CERS6: variants seen among roughly 807,000 people sequenced by gnomAD.
The protein encoded by CERS6 is ceramide synthase 6.
A neutral mutation model predicts 56.8 loss-of-function variants in CERS6; 26 were observed. The ratio of observed to expected loss-of-function variants is 0.46; its 90% CI spans 0.34 to 0.63. CERS6 has a LOEUF of 0.63. Among genes scored for constraint, CERS6 ranks in the 30% least tolerant of loss-of-function variants. CERS6 has a pLI of 0.01. For missense variants in CERS6, 415 were observed against 467.5 expected (o/e 0.89, Z 1.04); for synonymous variants, 164 against 173.3 (o/e 0.95, Z 0.42).
chr2:168,739,750 C>CT (rs534593412), intron 8 of CERS6, among the ~76,000 whole-genome samples: 2,351 of 146,170 alleles, frequency 0.016, 25 homozygotes, highest in Non-Finnish European at 0.024. Context: ...AAGAAAGGAA[C>CT]TTTTTTTTTT....
At chr2:168,761,743 C>G (rs1318808263) in intron 8 of CERS6, among the ~76,000 whole-genome samples, 1 of 152,098 alleles carries the variant, frequency 6.6e-6, no homozygotes, top group Admixed American at 6.6e-5. Flanking sequence ...TCCTCCCACA[C>G]CACCACAGAG....
intron 5 of CERS6, among the ~76,000 whole-genome samples, chr2:168,694,412 C>CT (rs1327506102): frequency 1.2e-4 from 19 of 152,104 alleles, no homozygotes; most frequent in African/African-American, 3.9e-4. Flanking sequence ...GGCAGCCTTC[C>CT]TGTCCCTCTG....
chr2:168,576,168 C>A (rs545170259), intron 3 of CERS6, among the ~76,000 whole-genome samples: 1 of 152,090 alleles, frequency 6.6e-6, no homozygotes, highest in African/African-American at 2.4e-5. Context: ...TGAAGGACGC[C>A]TCCTACCCCC....
chr2:168,685,872 C>T (rs1386729447), intron 4 of CERS6, among the ~76,000 whole-genome samples: 2 of 151,596 alleles, frequency 1.3e-5, no homozygotes, highest in African/African-American at 2.4e-5. Context: ...AATGAAAAAT[C>T]CCGTTATACA....
chr2:168,704,293 G>A (rs564798389), intron 6 of CERS6, among the ~76,000 whole-genome samples: 2 of 152,112 alleles, frequency 1.3e-5, no homozygotes, highest in South Asian at 4.2e-4. Context: ...AGAGCCACGC[G>A]GTGCTGCTGG....
At chr2:168,602,404 T>C (rs1683955411) in intron 3 of CERS6, among the ~76,000 whole-genome samples, 3 of 152,238 alleles carry the variant, frequency 2.0e-5, no homozygotes, top group Non-Finnish European at 4.4e-5. Flanking sequence ...TGTTGGCCCA[T>C]TGATAGAAGC....
chr2:168,752,523 A>G (rs1485043618), intron 8 of CERS6, among the ~76,000 whole-genome samples: 1 of 152,206 alleles, frequency 6.6e-6, no homozygotes, highest in African/African-American at 2.4e-5. Context: ...GTCTACTGCC[A>G]GGTCACACCC....
intron 4 of CERS6, among the ~76,000 whole-genome samples, chr2:168,681,137 G>A (rs1393612725): frequency 6.6e-6 from 1 of 152,200 alleles, no homozygotes; most frequent in Non-Finnish European, 1.5e-5. Flanking sequence ...AGGCAAATGG[G>A]TTGATAAGTA....
chr2:168,552,460 G>T (rs1395250109), intron 2 of CERS6, among the ~76,000 whole-genome samples: 1 of 151,756 alleles, frequency 6.6e-6, no homozygotes, highest in African/African-American at 2.4e-5. Flanking sequence ...GGCAAATTAG[G>T]AGATGCATAT....
At chr2:168,673,224 G>A (rs1455524002) in intron 4 of CERS6, among the ~76,000 whole-genome samples, 1 of 152,126 alleles carries the variant, frequency 6.6e-6, no homozygotes, top group Non-Finnish European at 1.5e-5. Flanking sequence ...TAGCCTCACA[G>A]ATAGAGGACA....
rs544596116 is a variant in CERS6, at chr2:168,649,064, AC to A, written c.465+18023del. Reference sequence around the variant, plus strand: ...TCCTAATACAAATAATTTTAAATATACTTTAGTTGTATGGTACTTAGGGGAG... The same window carrying A: ...TCCTAATACAAATAATTTTAAATATATTTAGTTGTATGGTACTTAGGGGAG... On this transcript the variant is annotated intron_variant, in intron 4 of 9. Transcript: ENST00000305747. 9.1e-3 allele frequency among the ~76,000 whole-genome samples: 1,381 copies of A among 152,246 alleles called. 28 individuals carry two copies. Among genetic ancestry groups the A allele is most frequent in the African/African-American group, 0.03 (1,251 of 41,528 alleles).
At chr2:168,536,526 T>C (rs961465702) in intron 1 of CERS6, among the ~76,000 whole-genome samples, 2 of 152,198 alleles carry the variant, frequency 1.3e-5, no homozygotes, top group African/African-American at 4.8e-5. Flanking sequence ...TTACTATATA[T>C]GTATCCTATA....
At chr2:168,751,162 A>T (rs1684256983) in intron 8 of CERS6, among the ~76,000 whole-genome samples, 1 of 152,212 alleles carries the variant, frequency 6.6e-6, no homozygotes, top group Admixed American at 6.5e-5. Context: ...AGGAAGTGTC[A>T]GGTTAAAAGA....
intron 1 of CERS6, among the ~76,000 whole-genome samples, chr2:168,538,241 CAAAA>C (rs59857969): frequency 1.0e-5 from 1 of 98,858 alleles, no homozygotes; most frequent in Admixed American, 1.0e-4. Flanking sequence ...GTGTAAAAAC[CAAAA>C]AAAAAAAAAA....
At chr2:168,743,038 A>G (rs1331398107) in intron 8 of CERS6, among the ~76,000 whole-genome samples, 1 of 152,070 alleles carries the variant, frequency 6.6e-6, no homozygotes, top group African/African-American at 2.4e-5. Flanking sequence ...TTGAATCGAT[A>G]TCTTAGTTAA....
intron 4 of CERS6, among the ~76,000 whole-genome samples, chr2:168,658,951 T>C (rs1390057335): frequency 6.6e-6 from 1 of 152,236 alleles, no homozygotes; most frequent in East Asian, 1.9e-4. Flanking sequence ...GGAAGAAGTC[T>C]TGTGAAACCT....
chr2:168,710,428 C>G (rs1277118359), intron 6 of CERS6, among the ~76,000 whole-genome samples: 1 of 152,138 alleles, frequency 6.6e-6, no homozygotes, highest in Admixed American at 6.5e-5. Flanking sequence ...ACTTTGAAAT[C>G]TGTGTATTAA....
chr2:168,456,500 A>G lies in CERS6; in HGVS notation c.52A>G (p.Asn18Asp), dbSNP rs1224345601. ...GAACGAGAGGTTTTGGCTCCCGCAC[A>G]ATGTCACCTGGGCGGACCTGAAGAA... ...FWNERFWLPH[N>D]VTWADLKNTE... Residue 18 changes from asparagine (N) to aspartate (D), a missense_variant, in exon 1 of 10, where the codon AAT (asparagine) becomes GAT (aspartate). Coordinates refer to ENST00000305747, the MANE Select transcript of CERS6 (RefSeq NM_203463.3). This position sits in a 1 kb window ranked among gnomAD's most constrained non-coding sequence, Gnocchi z 4.1. 1 of 1,613,852 alleles carries G rather than the reference A, an allele frequency of 6.2e-7. No individual in the cohort carries two copies. The highest frequency in any genetic ancestry group is 8.5e-7 in the Non-Finnish European group (1 of 1,179,900).
rs1553516312 is a variant in CERS6 at position 168,752,320 on chromosome 2, TAGAG to T, written c.846-13257_846-13254del. On this transcript the variant is annotated intron_variant, in intron 8 of 9. Coordinates refer to ENST00000305747, the MANE Select transcript of CERS6 (RefSeq NM_203463.3). ...GTGTGTGTGTGTGTGTGTGTGTGTA[TAGAG>T]AGAGAGAGAGAGAGGCTAAGTTTGA... 4.9e-4 allele frequency among the ~76,000 whole-genome samples: 61 copies of T among 125,220 alleles called. 1 individual carries two copies. The highest frequency in any genetic ancestry group is 1.6e-3 in the African/African-American group (50 of 30,656). 82.1% of individuals were successfully genotyped at this position (125,220 alleles called of 152,430 possible).
Sources: allele counts gnomAD v4.1 joint callset (sites outside exome capture counted in the v4.1 genomes callset), GRCh38; gene constraint gnomAD v4.1.1; non-coding constraint Gnocchi (gnomAD v3.1); transcripts MANE v1.5; gene names NCBI Gene and HGNC (gene_info 2026-07-23, HGNC 2026-07-21).